Variants in SND1 observed in about 807,000 individuals in gnomAD.
The protein encoded by SND1 is staphylococcal nuclease and tudor domain containing 1, also known as staphylococcal nuclease domain-containing protein 1.
A neutral mutation model predicts 121.7 loss-of-function variants in SND1; 38 were observed. The observed-to-expected ratio is 0.31, with a 90% CI of 0.24 to 0.41. The LOEUF is 0.41. SND1 is among the 10% of genes least tolerant of loss of function. SND1 has a pLI of 1.00. For synonymous variants in SND1, 401 were observed against 447.4 expected, an observed-to-expected ratio of 0.90 and a Z score of 1.31; for missense variants, 868 against 1,184.6, an observed-to-expected ratio of 0.73 and a Z score of 3.92.
At chr7:127,670,775 G>A (rs1795501908) in intron 1 of SND1, among the ~76,000 whole-genome samples, 1 of 151,338 alleles carries the variant, frequency 6.6e-6, no homozygotes, top group African/African-American at 2.4e-5. Context: ...GCCTCCCAAA[G>A]TGCTGGGATT....
At chr7:128,027,364 C>T (rs1310088808) in intron 16 of SND1, 1 of 152,564 alleles carries the variant, frequency 6.6e-6, no homozygotes, top group African/African-American at 2.4e-5. Flanking sequence ...CAACAGTACC[C>T]CATGTGGAAC....
At chr7:127,698,975 GTC>G (rs1041749139) in intron 4 of SND1, 22 bp downstream of exon 4, 53 of 1,597,970 alleles carry the variant, frequency 3.3e-5, no homozygotes, top group Non-Finnish European at 3.7e-5. Flanking sequence ...TTACTCCGCT[GTC>G]TCTCTGACAG....
At chr7:127,842,750 T>C (rs953011529) in intron 11 of SND1, among the ~76,000 whole-genome samples, 1 of 152,196 alleles carries the variant, frequency 6.6e-6, no homozygotes, top group African/African-American at 2.4e-5. Flanking sequence ...ACTCCTGGCC[T>C]CAAGCAATTC....
At chr7:128,031,225 G>A (rs1000302461) in intron 16 of SND1, among the ~76,000 whole-genome samples, 3 of 152,180 alleles carry the variant, frequency 2.0e-5, no homozygotes, top group East Asian at 2.0e-4. Flanking sequence ...AGCGCTTCCC[G>A]GCTTTGTCCT....
intron 10 of SND1, among the ~76,000 whole-genome samples, chr7:127,766,291 A>G (rs1797408158): frequency 1.3e-5 from 2 of 152,220 alleles, no homozygotes; most frequent in Non-Finnish European, 2.9e-5. Context: ...TCTGTTATTT[A>G]TAAAATTACC....
At chr7:128,006,059 C>T (rs1290813190) in intron 16 of SND1, among the ~76,000 whole-genome samples, 4 of 152,180 alleles carry the variant, frequency 2.6e-5, no homozygotes, top group Admixed American at 2.6e-4. Context: ...CAAGTAGTAA[C>T]TTCAGCTGAC....
At chr7:128,058,226 T>C (rs1486742472) in intron 16 of SND1, among the ~76,000 whole-genome samples, 2 of 152,284 alleles carry the variant, frequency 1.3e-5, no homozygotes, top group African/African-American at 4.8e-5. Flanking sequence ...GTGACCTAGG[T>C]ACACTCAACA....
chr7:127,931,924 A>C (rs951309713), intron 15 of SND1, among the ~76,000 whole-genome samples: 2 of 152,210 alleles, frequency 1.3e-5, no homozygotes. Context: ...GCAAAATATT[A>C]CTGCTCATTC....
At chr7:128,086,656 T>G in intron 20 of SND1, 1 of 496,246 alleles carries the variant, frequency 2.0e-6, no homozygotes, top group Non-Finnish European at 3.7e-6. Flanking sequence ...GGAAAAGCGA[T>G]TAGAGTCCAG....
intron 13 of SND1, among the ~76,000 whole-genome samples, chr7:127,901,354 G>C (rs1483196058): frequency 1.3e-5 from 2 of 152,144 alleles, no homozygotes; most frequent in African/African-American, 4.8e-5. Context: ...TCCTCTGTGA[G>C]ATTCATTCCT....
chr7:127,868,925 A>T (rs1336923940), intron 12 of SND1, among the ~76,000 whole-genome samples: 2 of 152,040 alleles, frequency 1.3e-5, no homozygotes, highest in African/African-American at 4.8e-5. Flanking sequence ...GCCAGGCGCC[A>T]GTTCTTTGCA....
chr7:128,033,532 CTATTTCTGAG>C (rs947469853), intron 16 of SND1, among the ~76,000 whole-genome samples: 15 of 152,162 alleles, frequency 9.9e-5, no homozygotes, highest in African/African-American at 3.4e-4. Flanking sequence ...TCTACCACAC[CTATTTCTGAG>C]TATTGTCTTT....
At chr7:127,771,478 G>A (rs77017349) in intron 10 of SND1, among the ~76,000 whole-genome samples, 2,939 of 152,162 alleles carry the variant, frequency 0.019, 56 homozygotes, top group Non-Finnish European at 0.026. Context: ...TGAATCATAC[G>A]GAATGAATGT....
intron 1 of SND1, chr7:127,679,155 C>T (rs1795663807): frequency 6.6e-6 from 1 of 152,178 alleles, no homozygotes; most frequent in African/African-American, 2.4e-5. Context: ...TGGCCATTTT[C>T]ATCCTTTTTA....
chr7:127,727,970 C>A (rs1385269103), intron 10 of SND1, among the ~76,000 whole-genome samples: 1 of 152,126 alleles, frequency 6.6e-6, no homozygotes, highest in East Asian at 1.9e-4. Context: ...TGTTCCTCAG[C>A]AGTAGAGGTC....
chr7:128,016,135 G>T (rs2116955794), intron 16 of SND1, among the ~76,000 whole-genome samples: 1 of 149,316 alleles, frequency 6.7e-6, no homozygotes, highest in East Asian at 2.0e-4. Flanking sequence ...AAATAGGGAG[G>T]AACAACTTCC....
At chr7:127,777,825 C>T (rs567207272) in intron 10 of SND1, among the ~76,000 whole-genome samples, 13 of 152,214 alleles carry the variant, frequency 8.5e-5, no homozygotes, top group Middle Eastern at 3.4e-3. Flanking sequence ...TACAGGCCTG[C>T]GCCACCTGCA....
chr7:127,958,954 G>GC (rs1212056766), intron 15 of SND1, among the ~76,000 whole-genome samples: 3 of 152,144 alleles, frequency 2.0e-5, no homozygotes, highest in Non-Finnish European at 4.4e-5. Context: ...TTCACTGATT[G>GC]CTGCTCTTAT....
chr7:127,839,958 A>T (rs1038077730), intron 11 of SND1, among the ~76,000 whole-genome samples: 8 of 152,230 alleles, frequency 5.3e-5, no homozygotes, highest in Non-Finnish European at 1.0e-4. Flanking sequence ...CAACAGCTTG[A>T]CAAAATGGTC....
Sources: allele counts gnomAD v4.1 joint callset (sites outside exome capture counted in the v4.1 genomes callset), GRCh38; gene constraint gnomAD v4.1.1; transcripts MANE v1.5; gene names NCBI Gene and HGNC (gene_info 2026-07-23, HGNC 2026-07-21).